Variants in PTPRD observed in about 807,000 individuals in gnomAD.
PTPRD encodes protein tyrosine phosphatase receptor type D, also known as receptor-type tyrosine-protein phosphatase delta.
In PTPRD, 34 loss-of-function variants were observed where a neutral mutation model predicts 214.5. The observed-to-expected ratio is 0.16, with a 90% CI of 0.12 to 0.21. The LOEUF (loss-of-function observed/expected upper bound fraction) is 0.21. Ranked by LOEUF, PTPRD falls within the 10% of genes least tolerant of loss-of-function variation. PTPRD has a pLI of 1.00. For missense variants in PTPRD, 2,545 were observed against 2,398.7 expected (o/e 1.06, Z -1.27); for synonymous variants, 1,128 against 845.7 (o/e 1.33, Z -5.79).
At chr9:8,950,109 T>TGACTTG (rs1391584532) in intron 11 of PTPRD, among the ~76,000 whole-genome samples, 10 of 152,176 alleles carry the variant, frequency 6.6e-5, no homozygotes, top group Admixed American at 4.6e-4. Context: ...TATTTACAAG[T>TGACTTG]GACTTGGCCA....
chr9:9,599,270 C>T (rs2093586036), intron 7 of PTPRD, among the ~76,000 whole-genome samples: 1 of 152,030 alleles, frequency 6.6e-6, no homozygotes, highest in African/African-American at 2.4e-5. Flanking sequence ...TCTTCCGATG[C>T]TCGTTAGGAA....
chr9:10,033,205 T>C (rs569962996), intron 4 of PTPRD, among the ~76,000 whole-genome samples: 2 of 151,830 alleles, frequency 1.3e-5, no homozygotes, highest in African/African-American at 2.4e-5. Context: ...GGGAGGCGTG[T>C]TGCTGAGAAA....
chr9:10,303,114 A>G (rs1189144853), intron 3 of PTPRD, among the ~76,000 whole-genome samples: 3 of 152,202 alleles, frequency 2.0e-5, no homozygotes, highest in Admixed American at 6.5e-5. Flanking sequence ...AACTCACTCA[A>G]AACTGCACAA....
rs2132493754 is a variant in PTPRD, at chr9:8,341,757, T to C, written c.4883A>G (p.Tyr1628Cys). ...TEVPARNLYA[Y>C]IQKLTQIETG... ...TTCTATTTGTGTCAGCTTCTGAATGTAGGCATACAAGTTTCTAGCTGGCAC... is the reference window on the plus strand; with the variant it reads ...TTCTATTTGTGTCAGCTTCTGAATGCAGGCATACAAGTTTCTAGCTGGCAC... Residue 1628 changes from tyrosine to cysteine, a missense_variant, in exon 40 of 46, where the codon TAC becomes TGC. Physicochemically the swap from Tyr to Cys is radical, Grantham distance 194. Coordinates refer to ENST00000381196, the MANE Select transcript of PTPRD (RefSeq NM_002839.4). The C allele has an allele frequency of 6.2e-7, 1 of 1,613,630 alleles. No individual in the cohort carries two copies. Among genetic ancestry groups the C allele is most frequent in the South Asian group, 1.1e-5 (1 of 91,062 alleles).
At chr9:9,271,549 G>C (rs1259564641) in intron 9 of PTPRD, among the ~76,000 whole-genome samples, 2 of 151,394 alleles carry the variant, frequency 1.3e-5, no homozygotes, top group East Asian at 3.9e-4. Context: ...ATTAAATATA[G>C]CAATTTAATG....
At chr9:8,612,816 T>C (rs1157159585) in intron 14 of PTPRD, among the ~76,000 whole-genome samples, 1 of 152,192 alleles carries the variant, frequency 6.6e-6, no homozygotes, top group Non-Finnish European at 1.5e-5. Flanking sequence ...TTTCACATTC[T>C]TTTTTATGCA....
intron 7 of PTPRD, among the ~76,000 whole-genome samples, chr9:9,730,819 G>T (rs563191073): frequency 2.7e-4 from 41 of 152,218 alleles, no homozygotes; most frequent in Admixed American, 3.3e-4. Flanking sequence ...TACAAAGTGA[G>T]ACTGGAAGCA....
At chr9:9,851,294 G>C (rs1028142532) in intron 5 of PTPRD, among the ~76,000 whole-genome samples, 3 of 152,174 alleles carry the variant, frequency 2.0e-5, no homozygotes, top group African/African-American at 7.2e-5. Context: ...TGCTGACTGC[G>C]AGATTCAAAG....
rs77625785 is a variant in PTPRD, at chr9:10,063,589, G to A, written c.-544-29799C>T. Among the ~76,000 whole-genome samples the A allele has an allele frequency of 4.5e-3, 679 of 152,032 alleles. 13 individuals carry two copies. The highest frequency in any genetic ancestry group is 0.036 in the Admixed American group (546 of 15,240). The stretch of plus-strand genomic sequence containing the variant: ...GATAGCTACTCTATGGCAGAATACC[G>A]CATATGTAATAAAAGAATCATCAGT... On this transcript the variant is annotated intron_variant, in intron 3 of 45. Coordinates refer to ENST00000381196, the MANE Select transcript of PTPRD (RefSeq NM_002839.4).
intron 16 of PTPRD, 136 bp downstream of exon 16, chr9:8,527,209 G>C: frequency 1.2e-6 from 1 of 845,978 alleles, no homozygotes; most frequent in African/African-American, 1.7e-5. Flanking sequence ...AGGTGTGTGT[G>C]GGAGCCACTA....
intron 3 of PTPRD, among the ~76,000 whole-genome samples, chr9:10,291,228 A>G (rs953334468): frequency 3.3e-5 from 5 of 151,500 alleles, no homozygotes; most frequent in African/African-American, 1.2e-4. Flanking sequence ...TAAAAAGAGC[A>G]GCCATCATGC....
At chr9:9,609,617 C>G (rs1171085248) in intron 7 of PTPRD, among the ~76,000 whole-genome samples, 1 of 152,140 alleles carries the variant, frequency 6.6e-6, no homozygotes, top group South Asian at 2.1e-4. Flanking sequence ...TGTACGCCAC[C>G]ACACCTGGCT....
At chr9:10,464,818 C>A (rs1184295704) in intron 2 of PTPRD, among the ~76,000 whole-genome samples, 38 of 151,948 alleles carry the variant, frequency 2.5e-4, no homozygotes, top group Non-Finnish European at 1.5e-5. Context: ...AATTGCTTAT[C>A]ATTAAAAAAT....
At position 10,190,718 on chromosome 9, in the gene PTPRD, CAAAAAAA is replaced by C. The variant is rs57891244; in HGVS notation, c.-545+150238_-545+150244del. On this transcript the variant is annotated intron_variant, in intron 3 of 45. Transcript: ENST00000381196. Reference sequence around the variant, plus strand: ...GGGCAACAAGAGCAAAACTCTGTCTCAAAAAAAAAAAAAAAAAAAAAAAAAGTCAAAG... The same window carrying C: ...GGGCAACAAGAGCAAAACTCTGTCTCAAAAAAAAAAAAAAAAAAGTCAAAG... 3.5e-3 allele frequency among the ~76,000 whole-genome samples: 156 copies of C among 44,236 alleles called. 3 individuals carry two copies. In the South Asian group the frequency reaches 0.13, roughly 38 times the overall value. The allele number at this position is 44,236 out of a possible 152,430, so 29.0% of individuals were successfully genotyped here.
chr9:8,695,283 C>T (rs973706861), intron 12 of PTPRD, among the ~76,000 whole-genome samples: 1 of 152,120 alleles, frequency 6.6e-6, no homozygotes, highest in South Asian at 2.1e-4. Context: ...TTTTCATTCA[C>T]CAGGATTGAA....
In PTPRD at chr9:9,247,835, T is replaced by C. The variant is rs545962964; in HGVS notation, c.-202-64472A>G. 3.3e-5 allele frequency among the ~76,000 whole-genome samples: 5 copies of C among 152,240 alleles called. No individual in the cohort carries two copies. The South Asian group carries it at 8.3e-4, about 25-fold the overall frequency. On this transcript the variant is annotated intron_variant, in intron 9 of 45. Coordinates refer to ENST00000381196, the MANE Select transcript of PTPRD (RefSeq NM_002839.4). ...GCTAAATTTTTACAAGTTCTCAAAG[T>C]GATTCTGATGCACATTGAAGTTTGA...
At chr9:8,365,081 G>T (rs2079477778) in intron 39 of PTPRD, among the ~76,000 whole-genome samples, 1 of 151,996 alleles carries the variant, frequency 6.6e-6, no homozygotes, top group Non-Finnish European at 1.5e-5. Context: ...AGAAGCCTAT[G>T]GGAAAGCTGT....
intron 9 of PTPRD, among the ~76,000 whole-genome samples, chr9:9,190,405 G>A (rs949698285): frequency 1.1e-4 from 17 of 152,042 alleles, no homozygotes; most frequent in African/African-American, 2.9e-4. Flanking sequence ...ACGAGATCCA[G>A]TGGGTTTATC....
rs1022146157 is a variant in PTPRD, at chr9:9,973,195, G to T, written c.-471-34585C>A. 4.0e-5 allele frequency among the ~76,000 whole-genome samples: 6 copies of T among 151,760 alleles called. No homozygotes were observed. In the South Asian group the frequency reaches 1.0e-3, roughly 26 times the overall value. On this transcript the variant is annotated intron_variant, in intron 4 of 45. Transcript: ENST00000381196. The stretch of plus-strand genomic sequence containing the variant: ...TTAGCAGATGTGGCTGGGCGCAGTG[G>T]CTCATGCCTGTAATCCCAGCACTTT...
Sources: gnomAD v4.1 joint callset for allele counts (sites outside exome capture counted in the v4.1 genomes callset) on GRCh38, gnomAD v4.1.1 for gene constraint, MANE v1.5 for transcripts, NCBI Gene and HGNC (gene_info 2026-07-23, HGNC 2026-07-21) for gene names.